The following STK32B variants were observed in gnomAD, a reference collection of about 807,000 sequenced individuals.
The protein encoded by STK32B is serine/threonine-protein kinase 32B.
Under a neutral mutation model 52.6 loss-of-function variants are expected in STK32B, and 43 were observed. The ratio of observed to expected loss-of-function variants is 0.82; its 90% CI spans 0.64 to 1.05. The LOEUF (loss-of-function observed/expected upper bound fraction) is 1.05. Among genes scored for constraint, STK32B ranks in the 50% least tolerant of loss-of-function variants. STK32B has a pLI of 0.00. For missense variants in STK32B, 621 were observed against 534.6 expected, an observed-to-expected ratio of 1.16 and a Z score of -1.59; for synonymous variants, 238 against 204.3, an observed-to-expected ratio of 1.17 and a Z score of -1.41.
chr4:5,488,636 T>G (rs918005400), intron 11 of STK32B, among the ~76,000 whole-genome samples: 2 of 152,314 alleles, frequency 1.3e-5, no homozygotes, highest in African/African-American at 4.8e-5. Context: ...CTGCTTTGTC[T>G]TCTGCCTCCT....
intron 1 of STK32B, among the ~76,000 whole-genome samples, chr4:5,078,735 C>T (rs1036945543): frequency 6.6e-6 from 1 of 152,178 alleles, no homozygotes; most frequent in Admixed American, 6.5e-5. Flanking sequence ...GTTTCCCTGC[C>T]TGGCCTTGGC....
intron 1 of STK32B, among the ~76,000 whole-genome samples, chr4:5,129,926 G>A (rs907994430): frequency 1.3e-5 from 2 of 152,052 alleles, no homozygotes; most frequent in South Asian, 2.1e-4. Flanking sequence ...TATATGCCAG[G>A]CACTGTTCTA....
chr4:5,363,339 A>T (rs1734672109), intron 4 of STK32B, among the ~76,000 whole-genome samples: 1 of 152,032 alleles, frequency 6.6e-6, no homozygotes, highest in Non-Finnish European at 1.5e-5. Context: ...CTTTTTTTAG[A>T]GGTGTAGAAA....
chr4:5,465,885 G>T (rs55930778), intron 9 of STK32B, among the ~76,000 whole-genome samples: 16,381 of 152,112 alleles, frequency 0.11, 2,229 homozygotes, highest in African/African-American at 0.32. Context: ...CCTACTTGGA[G>T]TACTTTATAG....
chr4:5,447,163 T>G (rs1715534843), intron 7 of STK32B: 1 of 161,514 alleles, frequency 6.2e-6, no homozygotes, highest in African/African-American at 2.4e-5. Context: ...ACCATGCTTC[T>G]TTTTTCTCTT....
the STK32B span, among the ~76,000 whole-genome samples, chr4:5,034,796 A>G: frequency 6.6e-6 from 1 of 152,192 alleles, no homozygotes; most frequent in Non-Finnish European, 1.5e-5. Context: ...ATTCTTCTCC[A>G]GGCTCCATCG....
intron 1 of STK32B, among the ~76,000 whole-genome samples, chr4:5,101,933 A>G (rs79314571): frequency 0.22 from 33,841 of 152,140 alleles, 3,774 homozygotes; most frequent in South Asian, 0.25. Context: ...TTATTTATAA[A>G]GTCATCTTCC....
chr4:5,488,739 C>T (rs1301402257), intron 11 of STK32B, among the ~76,000 whole-genome samples: 3 of 152,090 alleles, frequency 2.0e-5, no homozygotes, highest in Admixed American at 6.6e-5. Flanking sequence ...TTGCAACCTT[C>T]CTTAGCAAAA....
At chr4:5,232,764 G>A (rs7682020) in intron 3 of STK32B, among the ~76,000 whole-genome samples, 9,979 of 152,142 alleles carry the variant, frequency 0.066, 841 homozygotes, top group African/African-American at 0.2. Flanking sequence ...GCTCTCCTTT[G>A]CCCCTTTAGG....
intron 1 of STK32B, among the ~76,000 whole-genome samples, chr4:5,073,661 G>T (rs1244927458): frequency 6.6e-6 from 1 of 151,926 alleles, no homozygotes; most frequent in African/African-American, 2.4e-5. Context: ...GATAGTACAG[G>T]CCTGCTAGGA....
At chr4:5,106,253 A>C (rs1178896431) in intron 1 of STK32B, among the ~76,000 whole-genome samples, 1 of 152,128 alleles carries the variant, frequency 6.6e-6, no homozygotes, top group Non-Finnish European at 1.5e-5. Context: ...GTGAGCCAAG[A>C]TCACACCACT....
chr4:5,478,177 C>A (rs1202481262), intron 11 of STK32B, among the ~76,000 whole-genome samples: 1 of 152,164 alleles, frequency 6.6e-6, no homozygotes, highest in African/African-American at 2.4e-5. Context: ...GTTCACTTTT[C>A]TCCCAAAGGA....
the STK32B span, among the ~76,000 whole-genome samples, chr4:5,034,789 C>T: frequency 6.6e-6 from 1 of 152,204 alleles, no homozygotes; most frequent in Non-Finnish European, 1.5e-5. Flanking sequence ...ATCCTGGATT[C>T]TTCTCCAGGC....
chr4:5,429,412 C>T lies in STK32B; in HGVS notation c.562+12478C>T, dbSNP rs139900927. On this transcript the variant is annotated intron_variant, in intron 6 of 11. Coordinates refer to ENST00000282908, the MANE Select transcript of STK32B (RefSeq NM_018401.3). ...TAGTTGATCCTTACTTATGATTCCA[C>T]TTTAACTTCTCCATTGGCTTAGTTT... 4.0e-3 allele frequency among the ~76,000 whole-genome samples: 609 copies of T among 152,126 alleles called. 2 individuals are homozygous for T. Among genetic ancestry groups the T allele is most frequent in the African/African-American group, 0.014 (572 of 41,538 alleles).
At position 5,206,446 on chromosome 4, in the gene STK32B, C is replaced by T. The variant is rs535941397; in HGVS notation, c.260+37996C>T. 3.9e-5 allele frequency among the ~76,000 whole-genome samples: 6 copies of T among 152,194 alleles called. No homozygotes were observed. The East Asian group carries it at 5.8e-4, about 15-fold the overall frequency. ...CAATAACGTGGTCAAGAGTTTATGG[C>T]GGTTATTGCATGGAGAGATCACAGC... On this transcript the variant is annotated intron_variant, in intron 3 of 11. Coordinates refer to ENST00000282908, the MANE Select transcript of STK32B (RefSeq NM_018401.3).
In STK32B at chr4:5,496,704, C is replaced by T. The variant is rs533764323; in HGVS notation, c.1107-2241C>T. 9.2e-5 allele frequency among the ~76,000 whole-genome samples: 14 copies of T among 152,186 alleles called. No homozygotes were observed. In the East Asian group the frequency reaches 9.7e-4, roughly 11 times the overall value. ...TTTTCGGCCATCTTGGCCCCAGGCC[C>T]ATTTTCCTGGTCTTAAGTCTCTGTC... On this transcript the variant is annotated intron_variant, in intron 11 of 11. Transcript: ENST00000282908.
At chr4:5,349,778 A>G (rs572767266) in intron 4 of STK32B, among the ~76,000 whole-genome samples, 44 of 152,334 alleles carry the variant, frequency 2.9e-4, no homozygotes, top group Non-Finnish European at 6.5e-4. Context: ...AATCTACCAA[A>G]GAAATAGATA....
At chr4:5,262,978 C>T (rs1172139346) in intron 3 of STK32B, among the ~76,000 whole-genome samples, 2 of 152,138 alleles carry the variant, frequency 1.3e-5, no homozygotes, top group African/African-American at 2.4e-5. Context: ...CAACTATCCC[C>T]TGAAGCCTCC....
intron 4 of STK32B, among the ~76,000 whole-genome samples, chr4:5,366,151 G>A (rs920391014): frequency 2.0e-5 from 3 of 152,180 alleles, no homozygotes; most frequent in Non-Finnish European, 4.4e-5. Context: ...CCTATTGGCT[G>A]TGCTCCGAGC....
Sources: gnomAD v4.1 joint callset for allele counts (sites outside exome capture counted in the v4.1 genomes callset) on GRCh38, gnomAD v4.1.1 for gene constraint, MANE v1.5 for transcripts, NCBI Gene and HGNC (gene_info 2026-07-23, HGNC 2026-07-21) for gene names.